The following PCDHGB6 variants were observed in gnomAD, a reference collection of about 807,000 sequenced individuals.
PCDHGB6 encodes the protein protocadherin gamma subfamily B, 6.
Under a neutral mutation model 59.1 loss-of-function variants are expected in PCDHGB6, and 51 were observed. The ratio of observed to expected loss-of-function variants is 0.86; its 90% CI spans 0.69 to 1.09. The LOEUF (loss-of-function observed/expected upper bound fraction) is 1.09, where lower values mean the gene tolerates loss of function less well. Among genes scored for constraint, PCDHGB6 ranks in the 50% least tolerant of loss-of-function variants. The probability of loss-of-function intolerance (pLI) is 0.00; values close to 1 mark genes in which losing one functional copy is unlikely to be tolerated. For missense variants in PCDHGB6, 1,148 were observed against 1,205.1 expected (o/e 0.95, Z 0.70); for synonymous variants, 466 against 495.1 (o/e 0.94, Z 0.78).
chr5:141,475,616 G>A (rs2099366026), intron 1 of PCDHGB6, among the ~76,000 whole-genome samples: 1 of 152,206 alleles, frequency 6.6e-6, no homozygotes, highest in Admixed American at 6.5e-5. Flanking sequence ...GTAGTTTTCG[G>A]TTTGGTTCGA....
rs1561869085 is a variant in PCDHGB6, at chr5:141,433,357, GCCTA to G, written c.2418+22738_2418+22741del. On this transcript the variant is annotated intron_variant, in intron 1 of 3. Transcript: ENST00000520790. ...TACAGGTGCAAGCCACCTACTGTCT[GCCTA>G]TCTATCTATCTATCTATCTATCTAT... is the stretch of plus-strand genomic sequence containing the variant. 3 of 568,974 alleles carry G rather than the reference GCCTA, an allele frequency of 5.3e-6. No homozygotes were observed. In the African/African-American group the frequency reaches 6.4e-5, roughly 12 times the overall value. The allele number at this position is 568,974 out of a possible 1,614,324, so 35.2% of individuals were successfully genotyped here.
intron 1 of PCDHGB6, among the ~76,000 whole-genome samples, chr5:141,483,618 C>T (rs1441906179): frequency 6.6e-6 from 1 of 151,536 alleles, no homozygotes; most frequent in Non-Finnish European, 1.5e-5. Flanking sequence ...TCCATCATTC[C>T]CATGGGAGAA....
At chr5:141,510,315 G>A (rs2099880567) in intron 3 of PCDHGB6, among the ~76,000 whole-genome samples, 1 of 151,324 alleles carries the variant, frequency 6.6e-6, no homozygotes, top group African/African-American at 2.4e-5. Flanking sequence ...TGGAGGCTTG[G>A]AAGAGCACTC....
chr5:141,490,906 G>A lies in PCDHGB6; in HGVS notation c.2419-3901G>A, dbSNP rs2099705910. 1 of 1,613,798 alleles carries A rather than the reference G, an allele frequency of 6.2e-7. No individual in the cohort carries two copies. Among genetic ancestry groups the A allele is most frequent in the Non-Finnish European group, 8.5e-7 (1 of 1,179,808 alleles). ...CACATCTCTGCATGTGTTTGTCCTA[G>A]ACGAGAATGATAATGCCCCAGCTGT... On this transcript the variant is annotated intron_variant, in intron 1 of 3. Coordinates refer to ENST00000520790, the MANE Select transcript of PCDHGB6 (RefSeq NM_018926.3). The surrounding 1 kb of genome is among the most constrained non-coding windows in gnomAD (Gnocchi z 5.4).
intron 1 of PCDHGB6, chr5:141,429,047 GGTTTCACC>G (rs1254088441): frequency 1.3e-5 from 2 of 152,034 alleles, no homozygotes; most frequent in Non-Finnish European, 2.9e-5. Flanking sequence ...GTACAGACGG[GGTTTCACC>G]GTGTTAGCCA....
chr5:141,497,812 T>C (rs947015544), intron 2 of PCDHGB6, among the ~76,000 whole-genome samples: 2 of 152,202 alleles, frequency 1.3e-5, no homozygotes, highest in African/African-American at 4.8e-5. Flanking sequence ...AGTGCTAGAA[T>C]TACAGGTGTG....
In PCDHGB6 at chr5:141,415,753, T is replaced by G. The variant is rs763784703; in HGVS notation, c.2418+5133T>G. On this transcript the variant is annotated intron_variant, in intron 1 of 3. Transcript: ENST00000520790. The stretch of plus-strand genomic sequence containing the variant: ...ATGTTTATTAAGGTTTTTTTTTTTT[T>G]TTTTTTTTTTTTTTTTTTTACTTTC... 6.3e-5 allele frequency: 87 copies of G among 1,381,374 alleles called. 1 individual carries two copies. The highest frequency in any genetic ancestry group is 3.3e-4 in the Admixed American group (10 of 29,906). 85.6% of individuals were successfully genotyped at this position (1,381,374 alleles called of 1,614,324 possible).
At chr5:141,479,862 C>T (rs2099508997) in intron 1 of PCDHGB6, among the ~76,000 whole-genome samples, 1 of 152,170 alleles carries the variant, frequency 6.6e-6, no homozygotes, top group Non-Finnish European at 1.5e-5. Flanking sequence ...GGCCTTTGCC[C>T]TGGAGAGAAC....
chr5:141,479,035 C>A (rs2099486361), intron 1 of PCDHGB6, among the ~76,000 whole-genome samples: 1 of 152,104 alleles, frequency 6.6e-6, no homozygotes, highest in Non-Finnish European at 1.5e-5. Context: ...TTATACAGAT[C>A]GTGTACCTCA....
intron 1 of PCDHGB6, chr5:141,421,360 T>G (rs549572548): frequency 6.2e-7 from 1 of 1,613,980 alleles, no homozygotes; most frequent in African/African-American, 1.3e-5. Context: ...AAAGGGCTCC[T>G]TCGTGGGCAA....
At chr5:141,422,296 A>T (rs200545713) in intron 1 of PCDHGB6, 6 of 1,550,706 alleles carry the variant, frequency 3.9e-6, no homozygotes, top group Non-Finnish European at 4.3e-6. Context: ...TATTAATTCA[A>T]TTCTGGAAAA....
chr5:141,427,764 T>C (rs1239199764), intron 1 of PCDHGB6: 4 of 1,383,480 alleles, frequency 2.9e-6, no homozygotes, highest in Non-Finnish European at 4.1e-6. Context: ...TACCACTGAC[T>C]TGGAGCTGCG....
intron 1 of PCDHGB6, among the ~76,000 whole-genome samples, chr5:141,467,055 C>CTTTTTTTTTTTTTTTTTTT (rs1193465269): frequency 7.4e-6 from 1 of 134,498 alleles, no homozygotes; most frequent in Non-Finnish European, 1.6e-5. Context: ...TCAATGTTTT[C>CTTTTTTTTTTTTTTTTTTT]TTTTTTTTTT....
chr5:141,467,710 G>A (rs1284029664), intron 1 of PCDHGB6, among the ~76,000 whole-genome samples: 1 of 152,122 alleles, frequency 6.6e-6, no homozygotes, highest in Non-Finnish European at 1.5e-5. Context: ...TGCCCAGGCT[G>A]GAGTGTAGTG....
intron 1 of PCDHGB6, chr5:141,415,748 T>TTG (rs2095929710): frequency 9.9e-7 from 1 of 1,008,886 alleles, no homozygotes; most frequent in South Asian, 2.7e-5. Context: ...AGGTTTTTTT[T>TTG]TTTTTTTTTT....
chr5:141,475,903 G>C, intron 1 of PCDHGB6: 5 of 576,064 alleles, frequency 8.7e-6, no homozygotes, highest in Non-Finnish European at 1.5e-5. Context: ...TGCCGCTGTC[G>C]GCCAATGAAG....
intron 1 of PCDHGB6, among the ~76,000 whole-genome samples, chr5:141,454,796 ATTTTTTTTTTTTTTTTTTT>A (rs61612330): frequency 3.9e-5 from 3 of 77,408 alleles, no homozygotes; most frequent in African/African-American, 1.2e-4. Context: ...CATGGTTCTA[ATTTTTTTTTTTTTTTTTTT>A]TTTTTTTTTT....
rs36031641 is a variant in PCDHGB6 at position 141,434,771 on chromosome 5, T to TA, written c.2418+24164dup. ...CCCCTGATTCCCCACTTCACACTTCTAAAAAAAAAAAAATTTTTTTTTCTG... is the reference window on the plus strand; with the variant it reads ...CCCCTGATTCCCCACTTCACACTTCTAAAAAAAAAAAAAATTTTTTTTTCTG... On this transcript the variant is annotated intron_variant, in intron 1 of 3. Coordinates refer to ENST00000520790, the MANE Select transcript of PCDHGB6 (RefSeq NM_018926.3). Among the ~76,000 whole-genome samples, 71 of 145,288 alleles carry TA rather than the reference T, an allele frequency of 4.9e-4. 1 individual carries two copies. The highest frequency in any genetic ancestry group is 3.6e-3 in the Middle Eastern group (1 of 278).
intron 1 of PCDHGB6, chr5:141,421,788 G>T: frequency 6.2e-7 from 1 of 1,613,800 alleles, no homozygotes; most frequent in Non-Finnish European, 8.5e-7. Flanking sequence ...GGGGCAGAAC[G>T]GATGGGGCCA....
Sources: allele counts gnomAD v4.1 joint callset (sites outside exome capture counted in the v4.1 genomes callset), GRCh38; gene constraint gnomAD v4.1.1; non-coding constraint Gnocchi (gnomAD v3.1); transcripts MANE v1.5; gene names NCBI Gene and HGNC (gene_info 2026-07-23, HGNC 2026-07-21).